Variants in CEP55 observed in about 807,000 individuals in gnomAD.
CEP55 encodes centrosomal protein of 55 kDa.
CEP55 carries 57 observed loss-of-function variants against 63.2 expected under a neutral mutation model. The observed-to-expected ratio is 0.90, with a 90% CI of 0.73 to 1.13. The LOEUF (loss-of-function observed/expected upper bound fraction) is 1.13. Among genes scored for constraint, CEP55 ranks in the 50% most tolerant of loss-of-function variants. CEP55 has a pLI of 0.00. For synonymous variants in CEP55, 178 were observed against 191.6 expected, an observed-to-expected ratio of 0.93 and a Z score of 0.59; for missense variants, 456 against 518.9, an observed-to-expected ratio of 0.88 and a Z score of 1.18.
At chr10:93,503,030 C>A in intron 2 of CEP55, 83 bp from the exon 3 acceptor site, 1 of 1,285,046 alleles carries the variant, frequency 7.8e-7, no homozygotes, top group Non-Finnish European at 1.1e-6. Flanking sequence ...ATAAATGCTT[C>A]ATAAATGCTT....
chr10:93,500,132 A>C lies in CEP55; in HGVS notation c.81A>C (p.Leu27Phe). Reference protein sequence around the residue: ...KPSNSKSETTLEKLKGEIAHL... With the variant: ...KPSNSKSETTFEKLKGEIAHL... ...GTAACTCCAAATCCGAAACTACATT[A>C]GAAAAATTAAAGGGAGAAATTGCAC... The change falls in exon 2 of 9, where the codon TTA becomes TTC. Residue 27 changes from leucine to phenylalanine, a missense_variant. Coordinates refer to ENST00000371485, the MANE Select transcript of CEP55 (RefSeq NM_018131.5). The C allele has an allele frequency of 1.9e-6, 3 of 1,613,802 alleles. No homozygotes were observed. Among genetic ancestry groups the C allele is most frequent in the Non-Finnish European group, 2.5e-6 (3 of 1,179,748 alleles).
In CEP55 at chr10:93,510,981, G is replaced by A. The variant is rs189972178; in HGVS notation, c.528+3925G>A. On this transcript the variant is annotated intron_variant, in intron 4 of 8. Transcript: ENST00000371485. ...TGAGACAGAGTCTCACTCTGTCGCC[G>A]AGGCTGTAGTGCAGTGGCACGGTCT... is the stretch of plus-strand genomic sequence containing the variant. Among the ~76,000 whole-genome samples, 75 of 137,900 alleles carry A rather than the reference G, an allele frequency of 5.4e-4. No individual in the cohort carries two copies. The Middle Eastern group carries it at 0.013, about 23-fold the overall frequency. 90.5% of individuals were successfully genotyped at this position (137,900 alleles called of 152,430 possible). A position where few individuals can be genotyped will look rare whatever the true frequency, so the allele number is the denominator to read the frequency against.
At position 93,524,797 on chromosome 10, in the gene CEP55, A is replaced by G. The variant is rs568912212; in HGVS notation, c.1192-3153A>G. 1.2e-3 allele frequency among the ~76,000 whole-genome samples: 180 copies of G among 152,384 alleles called. 2 individuals are homozygous for G. The highest frequency in any genetic ancestry group is 4.2e-3 in the African/African-American group (174 of 41,594). ...AGGCTGGTTCAACATACGCAAATCAATAAACGTAATCCAGCATATAAACAG... is the reference window on the plus strand; with the variant it reads ...AGGCTGGTTCAACATACGCAAATCAGTAAACGTAATCCAGCATATAAACAG... On this transcript the variant is annotated intron_variant, in intron 8 of 8. Transcript: ENST00000371485.
At chr10:93,504,570 G>A (rs1026125011) in intron 3 of CEP55, among the ~76,000 whole-genome samples, 2 of 152,074 alleles carry the variant, frequency 1.3e-5, no homozygotes, top group African/African-American at 2.4e-5. Flanking sequence ...CCCATTTAGG[G>A]GAGATAGTGA....
chr10:93,518,507 C>G (rs923656225), intron 6 of CEP55, among the ~76,000 whole-genome samples: 12 of 152,246 alleles, frequency 7.9e-5, no homozygotes, highest in Non-Finnish European at 1.3e-4. Context: ...AGCAGTGATA[C>G]TAGGGAGAGA....
intron 1 of CEP55, among the ~76,000 whole-genome samples, chr10:93,498,602 A>G (rs1232628623): frequency 6.6e-6 from 1 of 152,226 alleles, no homozygotes; most frequent in Admixed American, 6.5e-5. Context: ...TAATATGTTT[A>G]GACGTTCTGA....
chr10:93,526,327 G>GA (rs1344480534), intron 8 of CEP55, among the ~76,000 whole-genome samples: 5 of 152,120 alleles, frequency 3.3e-5, no homozygotes, highest in African/African-American at 1.2e-4. Context: ...AAAGACACAT[G>GA]AAAAAAATGC....
chr10:93,515,598 A>T, intron 5 of CEP55, 43 bp downstream of exon 5: 1 of 1,485,950 alleles, frequency 6.7e-7, no homozygotes, highest in Non-Finnish European at 9.1e-7. Context: ...TAGGCCTGAC[A>T]TTTTCCAAAA....
chr10:93,502,821 T>C (rs1282481110), intron 2 of CEP55, among the ~76,000 whole-genome samples: 4 of 152,206 alleles, frequency 2.6e-5, no homozygotes, highest in African/African-American at 9.6e-5. Flanking sequence ...TAGCCCTTCT[T>C]TAGCTTTTTC....
rs777056315 is a variant in CEP55 at position 93,528,064 on chromosome 10, A to G, written c.1306A>G (p.Ser436Gly). ...AAGTCCCACTGCTGCACTCAATGAA[A>G]GCCTGGTGGAATGTCCCAAGTGCAA... ...PKSPTAALNE[S>G]LVECPKCNIQ... The change falls in exon 9 of 9, where the codon AGC becomes GGC. Residue 436 changes from serine (S) to glycine (G), a missense_variant. Transcript: ENST00000371485. 1.9e-5 allele frequency: 31 copies of G among 1,614,000 alleles called. No individual in the cohort carries two copies. The highest frequency in any genetic ancestry group is 2.7e-5 in the African/African-American group (2 of 74,920).
chr10:93,519,993 A>G (rs1314858895), intron 8 of CEP55, 186 bp downstream of exon 8: 3 of 642,618 alleles, frequency 4.7e-6, no homozygotes, highest in South Asian at 1.8e-5. Context: ...AAAGAGGGAC[A>G]TGATCACATC....
intron 2 of CEP55, among the ~76,000 whole-genome samples, chr10:93,502,528 A>C (rs979793110): frequency 6.6e-6 from 1 of 152,194 alleles, no homozygotes; most frequent in African/African-American, 2.4e-5. Context: ...CCTTTATGCC[A>C]GCAGCAGTTT....
intron 6 of CEP55, 145 bp from the exon 7 acceptor site, chr10:93,518,732 A>T: frequency 1.8e-6 from 1 of 566,074 alleles, no homozygotes; most frequent in Non-Finnish European, 3.2e-6. Flanking sequence ...TAGCCATCAG[A>T]TGGCCAGCTG....
chr10:93,513,595 T>G (rs1227529896), intron 4 of CEP55, among the ~76,000 whole-genome samples: 1 of 152,226 alleles, frequency 6.6e-6, no homozygotes, highest in Admixed American at 6.5e-5. Context: ...TGAAATTAAA[T>G]AGAAGAATTT....
chr10:93,506,050 G>A (rs10882250), intron 3 of CEP55, among the ~76,000 whole-genome samples: 22,342 of 151,428 alleles, frequency 0.15, 2,369 homozygotes, highest in East Asian at 0.57. Context: ...TCCTCCTCCC[G>A]GGTTCTGCCT....
chr10:93,526,958 A>T (rs1400073235), intron 8 of CEP55, among the ~76,000 whole-genome samples: 1 of 152,158 alleles, frequency 6.6e-6, no homozygotes, highest in Non-Finnish European at 1.5e-5. Context: ...GGGGAGGGAT[A>T]GCATTAGGAG....
intron 1 of CEP55, among the ~76,000 whole-genome samples, chr10:93,498,731 A>G (rs561131763): frequency 6.6e-6 from 1 of 151,320 alleles, no homozygotes; most frequent in Non-Finnish European, 1.5e-5. Flanking sequence ...CAGTTTGAGG[A>G]TTCATGAACC....
At chr10:93,506,832 C>T (rs2057693899) in intron 3 of CEP55, among the ~76,000 whole-genome samples, 156 bp from the exon 4 acceptor site, 1 of 152,156 alleles carries the variant, frequency 6.6e-6, no homozygotes, top group South Asian at 2.1e-4. Flanking sequence ...CCTTAACCTC[C>T]CAGAGTGCTG....
rs140016646 is a variant in CEP55 at position 93,509,805 on chromosome 10, C to G, written c.528+2749C>G. Reference sequence around the variant, plus strand: ...CCAGCCAGAACTTATATTTGAGGAGCAAGAAGTGGTTTAGCTCTGGTTTTC... The same window carrying G: ...CCAGCCAGAACTTATATTTGAGGAGGAAGAAGTGGTTTAGCTCTGGTTTTC... On this transcript the variant is annotated intron_variant, in intron 4 of 8. Coordinates refer to ENST00000371485, the MANE Select transcript of CEP55 (RefSeq NM_018131.5). Among the ~76,000 whole-genome samples, 1,462 of 152,250 alleles carry G rather than the reference C, an allele frequency of 9.6e-3. 26 individuals are homozygous for G. The highest frequency in any genetic ancestry group is 0.033 in the African/African-American group (1,390 of 41,550).
Sources: gnomAD v4.1 joint callset for allele counts (sites outside exome capture counted in the v4.1 genomes callset) on GRCh38, gnomAD v4.1.1 for gene constraint, MANE v1.5 for transcripts, NCBI Gene and HGNC (gene_info 2026-07-23, HGNC 2026-07-21) for gene names.